SRFBP1: variants seen among roughly 807,000 people sequenced by gnomAD.
The protein encoded by SRFBP1 is serum response factor binding protein 1.
SRFBP1 carries 47 observed loss-of-function variants against 45.5 expected under a neutral mutation model. The observed-to-expected ratio is 1.03, with a 90% CI of 0.82 to 1.32. The LOEUF (loss-of-function observed/expected upper bound fraction) is 1.32, where lower values mean the gene tolerates loss of function less well. SRFBP1 is among the 40% of genes most tolerant of loss of function. SRFBP1 has a pLI of 0.00. For synonymous variants in SRFBP1, 203 were observed against 166.3 expected (o/e 1.22, Z -1.70); for missense variants, 621 against 484.6 (o/e 1.28, Z -2.64).
intron 3 of SRFBP1, among the ~76,000 whole-genome samples, chr5:121,993,277 G>A (rs1752653521): frequency 6.6e-6 from 1 of 152,066 alleles, no homozygotes; most frequent in Non-Finnish European, 1.5e-5. Flanking sequence ...AAAAACATAT[G>A]TATATATTCC....
chr5:121,991,654 C>T (rs1026995614), intron 3 of SRFBP1, among the ~76,000 whole-genome samples: 2 of 152,134 alleles, frequency 1.3e-5, no homozygotes, highest in African/African-American at 4.8e-5. Context: ...CATAATATAT[C>T]ATTTATTGCA....
rs761093648 is a variant in SRFBP1 at position 121,974,199 on chromosome 5, G to A, written c.40G>A (p.Val14Met). The change falls in exon 2 of 8, where the codon GTG becomes ATG. Residue 14 changes from valine to methionine, a missense_variant. Physicochemically the swap from Val to Met is conservative, Grantham distance 21. Transcript: ENST00000339397. ...PGTLNLNNEV[V>M]KMRKEVKRIR... is the part of the protein sequence containing the mutation. Reference sequence around the variant, plus strand: ...ATTATTGCTTTATTCTTCAAAGGTTGTGAAGATGAGAAAAGAAGTGAAGAG... The same window carrying A: ...ATTATTGCTTTATTCTTCAAAGGTTATGAAGATGAGAAAAGAAGTGAAGAG... 6.2e-7 allele frequency: 1 copy of A among 1,607,274 alleles called. No homozygotes were observed. Among genetic ancestry groups the A allele is most frequent in the South Asian group, 1.1e-5 (1 of 90,822 alleles).
At chr5:122,049,269 G>C (rs1218997147) in intron 2 of SRFBP1, among the ~76,000 whole-genome samples, 1 of 151,814 alleles carries the variant, frequency 6.6e-6, no homozygotes, top group Non-Finnish European at 1.5e-5. Context: ...AAGATCAAAA[G>C]AGACAAAGAA....
chr5:122,064,036 T>A (rs1419334174), intron 2 of SRFBP1: 1 of 151,948 alleles, frequency 6.6e-6, no homozygotes, highest in Non-Finnish European at 1.5e-5. Flanking sequence ...GACTGTGGTC[T>A]GAATCATCAT....
chr5:122,055,886 G>A (rs572141916), intron 2 of SRFBP1, among the ~76,000 whole-genome samples: 2 of 152,302 alleles, frequency 1.3e-5, no homozygotes, highest in African/African-American at 4.8e-5. Flanking sequence ...CTCTTTATAT[G>A]TAGGGGAACT....
chr5:122,068,601 A>T (rs370953109), intron 2 of SRFBP1, among the ~76,000 whole-genome samples: 1 of 152,194 alleles, frequency 6.6e-6, no homozygotes, highest in African/African-American at 2.4e-5. Context: ...CCTGTACCTG[A>T]CAATGGGTAT....
At chr5:122,077,195 C>G (rs2288393), downstream of SRFBP1, 235,382 of 1,468,378 alleles carry the variant, frequency 0.16, 19,374 homozygotes, top group Middle Eastern at 0.17. The surrounding 1 kb of genome is among the most constrained non-coding windows in gnomAD (Gnocchi z 4.9). Flanking sequence ...GGGCCAGACG[C>G]GCGGTTTGCA....
intron 3 of SRFBP1, among the ~76,000 whole-genome samples, chr5:121,988,911 A>G: frequency 6.6e-6 from 1 of 152,198 alleles, no homozygotes; most frequent in Middle Eastern, 3.2e-3. Context: ...TTTTACATAA[A>G]ATTTGCATAT....
intron 2 of SRFBP1, among the ~76,000 whole-genome samples, chr5:122,054,941 G>A (rs1010924993): frequency 2.0e-5 from 3 of 152,080 alleles, no homozygotes; most frequent in African/African-American, 4.8e-5. Context: ...CACCCAAATC[G>A]TTGTGGGTCA....
At chr5:122,031,075 A>G (rs1753581523), downstream of SRFBP1, among the ~76,000 whole-genome samples, 1 of 152,222 alleles carries the variant, frequency 6.6e-6, no homozygotes, top group Non-Finnish European at 1.5e-5. Context: ...TAAGTATTAA[A>G]GGTGTGCCCC....
intron 2 of SRFBP1, chr5:122,065,446 C>T (rs1318197666): frequency 6.6e-6 from 1 of 152,034 alleles, no homozygotes; most frequent in Non-Finnish European, 1.5e-5. Context: ...AAGCAAAATT[C>T]TCAAAATTCT....
intron 4 of SRFBP1, among the ~76,000 whole-genome samples, chr5:122,012,946 G>T (rs1753123456): frequency 6.6e-6 from 1 of 152,080 alleles, no homozygotes; most frequent in Non-Finnish European, 1.5e-5. Flanking sequence ...ATTTCTAGGA[G>T]TTTTTGCATT....
At position 122,018,481 on chromosome 5, in the gene SRFBP1, G is replaced by A. The variant is rs937663235; in HGVS notation, c.271-779G>A. On this transcript the variant is annotated intron_variant, in intron 4 of 7. Transcript: ENST00000339397. ...AGAATCCTTAGAGTTTTAGGCCTGA[G>A]CAACCAGAACAATGGAAATTACATA... 2.0e-5 allele frequency among the ~76,000 whole-genome samples: 3 copies of A among 152,124 alleles called. No homozygotes were observed. The South Asian group carries it at 6.2e-4, about 32-fold the overall frequency.
intron 2 of SRFBP1, among the ~76,000 whole-genome samples, chr5:122,068,250 G>A (rs1253628148): frequency 1.4e-5 from 2 of 147,602 alleles, no homozygotes; most frequent in East Asian, 4.0e-4. Context: ...CAGTCATATT[G>A]CTGGAGCAAT....
At chr5:122,030,901 A>G (rs1164595306), downstream of SRFBP1, among the ~76,000 whole-genome samples, 1 of 152,222 alleles carries the variant, frequency 6.6e-6, no homozygotes, top group Non-Finnish European at 1.5e-5. Flanking sequence ...AGGGACTTTG[A>G]TAAGTTATGA....
intron 1 of SRFBP1, among the ~76,000 whole-genome samples, chr5:121,969,876 A>G (rs1327334304): frequency 2.0e-5 from 3 of 151,714 alleles, no homozygotes; most frequent in Non-Finnish European, 2.9e-5. Context: ...TTTTATTTAC[A>G]TTTCTATGCC....
chr5:122,040,431 C>T (rs1753756614), intron 2 of SRFBP1, among the ~76,000 whole-genome samples: 1 of 152,248 alleles, frequency 6.6e-6, no homozygotes, highest in East Asian at 1.9e-4. Flanking sequence ...GAAAGAAAGT[C>T]ATTCTCCATG....
intron 4 of SRFBP1, among the ~76,000 whole-genome samples, chr5:121,995,115 A>G (rs895661186): frequency 2.6e-5 from 4 of 151,684 alleles, no homozygotes; most frequent in African/African-American, 7.3e-5. Flanking sequence ...CGAGACAGAA[A>G]GTCAACAAGG....
At chr5:121,971,463 A>G (rs1752195721) in intron 1 of SRFBP1, among the ~76,000 whole-genome samples, 1 of 151,954 alleles carries the variant, frequency 6.6e-6, no homozygotes, top group Non-Finnish European at 1.5e-5. Context: ...AAAGAAGGGA[A>G]GGGTTTTATT....
Sources: gnomAD v4.1 joint callset for allele counts (sites outside exome capture counted in the v4.1 genomes callset) on GRCh38, gnomAD v4.1.1 for gene constraint, Gnocchi (gnomAD v3.1) non-coding constraint, MANE v1.5 for transcripts, NCBI Gene and HGNC (gene_info 2026-07-23, HGNC 2026-07-21) for gene names.